The following PAK3 variants were observed in gnomAD, a reference collection of about 807,000 sequenced individuals.
PAK3 encodes the protein serine/threonine-protein kinase PAK 3.
In PAK3, 4 loss-of-function variants were observed where a neutral mutation model predicts 41.0. The ratio of observed to expected loss-of-function variants is 0.10; its 90% confidence interval spans 0.05 to 0.22. The LOEUF is 0.22. Ranked by LOEUF, PAK3 falls within the 10% of genes least tolerant of loss-of-function variation. The probability of loss-of-function intolerance (pLI) is 1.00; values close to 1 mark genes in which losing one functional copy is unlikely to be tolerated. For synonymous variants in PAK3, 146 were observed against 139.6 expected (o/e 1.05, Z -0.32); for missense variants, 205 against 409.9 (o/e 0.50, Z 4.32).
At chrX:111,116,658 T>G (rs936585182) in intron 4 of PAK3, among the ~76,000 whole-genome samples, 96 of 112,325 alleles carry the variant, frequency 8.5e-4, no homozygotes, top group Admixed American at 5.1e-3. Context: ...CTTCTTGGAC[T>G]CAATTAATGT....
At chrX:111,103,119 G>T (rs185587445) in intron 3 of PAK3, 40 bp from the exon 4 acceptor site, 1 of 111,324 alleles carries the variant, frequency 9.0e-6, no homozygotes, top group East Asian at 2.8e-4. Context: ...AGCAGGTGGG[G>T]AAAGAGGTTC....
intron 10 of PAK3, chrX:111,169,110 G>A (rs753847398): frequency 8.8e-6 from 1 of 113,682 alleles, no homozygotes; most frequent in East Asian, 2.8e-4. Flanking sequence ...TTGTAATTCA[G>A]CAAATATATC....
rs562851822 is a variant in PAK3, at chrX:111,220,883, T to C, written c.*436T>C. ...GTTTTTCACTTGCATTGTCATTAGATGTCCAGAAAAAAAAAAGATGTCAAA... is the reference window on the plus strand; with the variant it reads ...GTTTTTCACTTGCATTGTCATTAGACGTCCAGAAAAAAAAAAGATGTCAAA... On this transcript the variant is annotated 3_prime_UTR_variant, in exon 18 of 18. Transcript: ENST00000372007. The C allele has an allele frequency of 1.0e-5, 1 of 97,388 alleles. No homozygotes were observed. The highest frequency in any genetic ancestry group is 4.0e-5 in the African/African-American group (1 of 24,927). 8.0% of individuals were successfully genotyped at this position (97,388 alleles called of 1,213,427 possible).
chrX:111,052,988 G>T (rs1354687677), intron 1 of PAK3, among the ~76,000 whole-genome samples: 1 of 112,090 alleles, frequency 8.9e-6, no homozygotes, highest in Non-Finnish European at 1.9e-5. Context: ...TTTTACTGTG[G>T]AAACTTTTGA....
intron 1 of PAK3, among the ~76,000 whole-genome samples, chrX:111,042,012 T>C (rs1003757969): frequency 8.9e-5 from 10 of 112,340 alleles, no homozygotes; most frequent in Admixed American, 5.7e-4. Flanking sequence ...CAAATAGATG[T>C]CTCTGTCTAG....
At chrX:111,037,510 C>A (rs1569509528) in intron 1 of PAK3, among the ~76,000 whole-genome samples, 1 of 111,262 alleles carries the variant, frequency 9.0e-6, no homozygotes, top group Non-Finnish European at 1.9e-5. Context: ...CAGTTCTGGG[C>A]AGAAATAGCA....
At chrX:111,178,980 T>TATATAGAGAG (rs1211051270) in intron 11 of PAK3, among the ~76,000 whole-genome samples, 1 of 91,613 alleles carries the variant, frequency 1.1e-5, no homozygotes, top group Admixed American at 1.3e-4. Context: ...TATATATATA[T>TATATAGAGAG]AGAGAGAGAG....
intron 1 of PAK3, among the ~76,000 whole-genome samples, chrX:111,058,050 A>C (rs1445725516): frequency 8.9e-6 from 1 of 112,266 alleles, no homozygotes; most frequent in African/African-American, 3.2e-5. Context: ...CATTGTATGG[A>C]TATACCACAT....
At chrX:111,099,491 A>C (rs776226332) in intron 3 of PAK3, among the ~76,000 whole-genome samples, 2 of 110,099 alleles carry the variant, frequency 1.8e-5, no homozygotes, top group Non-Finnish European at 3.8e-5. Context: ...TGGGAAGAGG[A>C]AATCATTAGA....
rs185634471 is a variant in PAK3, at chrX:111,145,062, T to A, written c.277-2675T>A. 9.6e-4 allele frequency: 348 copies of A among 360,880 alleles called. 1 individual carries two copies. Among genetic ancestry groups the A allele is most frequent in the African/African-American group, 8.3e-3 (318 of 38,520 alleles). 29.7% of individuals were successfully genotyped at this position (360,880 alleles called of 1,213,427 possible). ...TTGGTATCCTATACACAGTCAGACA[T>A]TGATATGTGCTCCTGCTTCTGATGC... On this transcript the variant is annotated intron_variant, in intron 6 of 17. Transcript: ENST00000372007.
intron 1 of PAK3, among the ~76,000 whole-genome samples, chrX:111,029,807 C>G (rs775488105): frequency 3.1e-4 from 35 of 111,828 alleles, no homozygotes; most frequent in Non-Finnish European, 6.2e-4. Context: ...CAGCATTGCA[C>G]TATATGTGAT....
intron 1 of PAK3, chrX:111,013,704 CAG>C (rs2092045661): frequency 9.0e-6 from 1 of 111,424 alleles, no homozygotes. Context: ...GGACCCCCAA[CAG>C]AATTTCTTCT....
At chrX:111,086,780 T>G (rs1215226453) in intron 1 of PAK3, among the ~76,000 whole-genome samples, 2 of 111,648 alleles carry the variant, frequency 1.8e-5, no homozygotes, top group African/African-American at 6.5e-5. Context: ...AATCTTGATT[T>G]GTAAGAAGCT....
At chrX:110,978,444 A>T (rs1345432585) in intron 1 of PAK3, among the ~76,000 whole-genome samples, 3 of 110,830 alleles carry the variant, frequency 2.7e-5, no homozygotes, top group Admixed American at 9.6e-5. Flanking sequence ...TGATAAGATT[A>T]TATTATTTTT....
intron 8 of PAK3, among the ~76,000 whole-genome samples, chrX:111,155,647 G>T (rs1179008508): frequency 1.8e-5 from 2 of 111,520 alleles, no homozygotes; most frequent in South Asian, 7.7e-4. Context: ...GAAGCTCAGT[G>T]TCTGGTACCA....
chrX:110,951,109 T>C (rs1237816438), intron 1 of PAK3, among the ~76,000 whole-genome samples: 2 of 112,208 alleles, frequency 1.8e-5, no homozygotes, highest in Non-Finnish European at 3.8e-5. Context: ...CCATTTCATA[T>C]CCCTTGCCTG....
At chrX:110,956,559 T>C (rs1318348703) in intron 1 of PAK3, among the ~76,000 whole-genome samples, 1 of 111,835 alleles carries the variant, frequency 8.9e-6, no homozygotes, top group African/African-American at 3.3e-5. Context: ...GACTTCTTGC[T>C]AAAGCACTGC....
chrX:111,141,945 A>G, intron 5 of PAK3, 151 bp from the exon 6 acceptor site: 5 of 485,910 alleles, frequency 1.0e-5, no homozygotes, highest in Non-Finnish European at 1.8e-5. Context: ...ACTTCTGCAA[A>G]TAATTGGAAT....
chrX:110,956,000 A>C (rs1321860393), intron 1 of PAK3, among the ~76,000 whole-genome samples: 1 of 112,318 alleles, frequency 8.9e-6, no homozygotes, highest in Admixed American at 9.4e-5. Context: ...AAAGTTTCTT[A>C]ACCACCTAAC....
Sources: allele counts gnomAD v4.1 joint callset (sites outside exome capture counted in the v4.1 genomes callset), GRCh38; gene constraint gnomAD v4.1.1; transcripts MANE v1.5; gene names NCBI Gene and HGNC (gene_info 2026-07-23, HGNC 2026-07-21).